Variants in SWAP70 observed in about 807,000 individuals in gnomAD.
SWAP70 encodes the protein switching B cell complex subunit SWAP70.
SWAP70 carries 34 observed loss-of-function variants against 80.2 expected under a neutral mutation model. That is an observed-to-expected ratio of 0.42 (90% CI 0.32 to 0.56). SWAP70 has a LOEUF of 0.56. SWAP70 is among the 20% of genes least tolerant of loss of function. SWAP70 has a pLI of 0.09. For synonymous variants in SWAP70, 239 were observed against 238.5 expected (o/e 1.00, Z -0.02); for missense variants, 578 against 690.7 (o/e 0.84, Z 1.83).
At chr11:9,723,065 C>T (rs374134966) in intron 3 of SWAP70, among the ~76,000 whole-genome samples, 2 of 152,076 alleles carry the variant, frequency 1.3e-5, no homozygotes, top group South Asian at 4.1e-4. Context: ...AGCTTGGCCT[C>T]TGTCTTTGAG....
chr11:9,731,157 C>G (rs575661916), intron 6 of SWAP70, among the ~76,000 whole-genome samples: 1 of 151,916 alleles, frequency 6.6e-6, no homozygotes, highest in African/African-American at 2.4e-5. Flanking sequence ...TTAAAGTGTT[C>G]CATTATTCCA....
intron 1 of SWAP70, among the ~76,000 whole-genome samples, chr11:9,689,106 G>A (rs971533123): frequency 6.6e-6 from 1 of 152,070 alleles, no homozygotes; most frequent in African/African-American, 2.4e-5. Flanking sequence ...TTTTTTCAGT[G>A]TTGAATCTTG....
chr11:9,711,004 A>ATTTATTTG (rs1282382156), intron 2 of SWAP70, among the ~76,000 whole-genome samples: 1 of 150,108 alleles, frequency 6.7e-6, no homozygotes, highest in Non-Finnish European at 1.5e-5. Flanking sequence ...ATTTTTATTT[A>ATTTATTTG]TTTATTTATT....
chr11:9,669,855 C>T (rs531440639), intron 1 of SWAP70, among the ~76,000 whole-genome samples: 9 of 151,962 alleles, frequency 5.9e-5, no homozygotes, highest in Non-Finnish European at 1.3e-4. Flanking sequence ...TTGCCAGGTG[C>T]GGTGCCTCAC....
rs1851606892 is a variant in SWAP70 at position 9,752,722 on chromosome 11, T to C, written c.*2752T>C. On this transcript the variant is annotated 3_prime_UTR_variant, in exon 12 of 12. Coordinates refer to ENST00000318950, the MANE Select transcript of SWAP70 (RefSeq NM_015055.4). The stretch of plus-strand genomic sequence containing the variant: ...CCTTAATAAGTAGGGATATGATCAT[T>C]TACAGGAATTATATATGAAAAAAGT... 6.6e-6 allele frequency: 1 copy of C among 152,116 alleles called. No individual in the cohort carries two copies. Among genetic ancestry groups the C allele is most frequent in the Non-Finnish European group, 1.5e-5 (1 of 68,032 alleles). The allele number at this position is 152,116 out of a possible 1,614,324, so 9.4% of individuals were successfully genotyped here.
chr11:9,731,401 G>A (rs1851296034), intron 6 of SWAP70, among the ~76,000 whole-genome samples: 1 of 152,090 alleles, frequency 6.6e-6, no homozygotes, highest in Non-Finnish European at 1.5e-5. Flanking sequence ...TGTGGAGTGG[G>A]GATAATAATA....
intron 1 of SWAP70, among the ~76,000 whole-genome samples, chr11:9,670,248 A>G (rs1178127799): frequency 6.6e-6 from 1 of 152,162 alleles, no homozygotes. Flanking sequence ...TTGACCCATG[A>G]TTGGGTGGGA....
intron 2 of SWAP70, among the ~76,000 whole-genome samples, chr11:9,704,715 A>T (rs1850877539): frequency 6.6e-6 from 1 of 152,158 alleles, no homozygotes; most frequent in African/African-American, 2.4e-5. Flanking sequence ...ATTCCCCTTT[A>T]TTGGAGCATT....
At chr11:9,676,364 T>G (rs1850500579) in intron 1 of SWAP70, among the ~76,000 whole-genome samples, 1 of 152,144 alleles carries the variant, frequency 6.6e-6, no homozygotes, top group Non-Finnish European at 1.5e-5. Context: ...TTGGTTTGGT[T>G]TTGGTGCTCT....
Position 9,732,574 on chromosome 11 carries a change from C to A in SWAP70, c.944C>A (p.Pro315Gln). The part of the protein sequence containing the change: ...IHLLKLGSPP[P>Q]HKEARQRRKE... ...CTGTTGAAGCTGGGCAGCCCTCCAC[C>A]ACACAAAGAAGCCCGCCAGCGTCGG... is the stretch of plus-strand genomic sequence containing the variant. The change falls in exon 7 of 12, where the codon CCA (proline) becomes CAA (glutamine). Residue 315 changes from proline (P) to glutamine (Q), a missense_variant. By Grantham distance (76) the Pro-to-Gln change is moderately conservative. Coordinates refer to ENST00000318950, the MANE Select transcript of SWAP70 (RefSeq NM_015055.4). The A allele has an allele frequency of 1.2e-6, 2 of 1,606,314 alleles. No individual in the cohort carries two copies. Among genetic ancestry groups the A allele is most frequent in the Non-Finnish European group, 1.7e-6 (2 of 1,175,686 alleles).
Position 9,740,333 on chromosome 11 carries a change from G to A in SWAP70, c.1341G>A (p.Arg447=). 2 of 1,614,208 alleles carry A rather than the reference G, an allele frequency of 1.2e-6. No individual in the cohort carries two copies. The highest frequency in any genetic ancestry group is 8.5e-7 in the Non-Finnish European group (1 of 1,180,026). The part of the protein sequence containing the change: ...RQARQDEETV[R]KLQARLLEEE... ...CCCGGCAAGATGAAGAGACAGTGCG[G>A]AAGCTTCAGGCCAGGTGCCAGATTT... The change falls in exon 9 of 12, where the codon CGG becomes CGA. Residue 447 remains arginine (R), a synonymous_variant. Transcript: ENST00000318950.
chr11:9,747,454 C>A (rs185369705), intron 9 of SWAP70, among the ~76,000 whole-genome samples: 2 of 152,224 alleles, frequency 1.3e-5, no homozygotes, highest in Non-Finnish European at 2.9e-5. Context: ...AAATCTTGGC[C>A]CTGCCACCTG....
intron 9 of SWAP70, among the ~76,000 whole-genome samples, chr11:9,744,188 TC>T (rs1851480911): frequency 6.6e-6 from 1 of 152,194 alleles, no homozygotes; most frequent in African/African-American, 2.4e-5. Flanking sequence ...GGTCTTGATC[TC>T]CTGACCTCGT....
At chr11:9,740,745 TC>T (rs1287442553) in intron 9 of SWAP70, 9 of 217,798 alleles carry the variant, frequency 4.1e-5, no homozygotes, top group African/African-American at 2.1e-4. Context: ...AACGTTGCCG[TC>T]AGGTTTTGAG....
chr11:9,695,896 A>C (rs1420239133), intron 2 of SWAP70, among the ~76,000 whole-genome samples: 4 of 152,022 alleles, frequency 2.6e-5, no homozygotes, highest in African/African-American at 9.7e-5. Context: ...CCTCGGGCTC[A>C]GGTGACCCTC....
chr11:9,746,083 C>T (rs767346940), intron 9 of SWAP70, among the ~76,000 whole-genome samples: 12 of 152,134 alleles, frequency 7.9e-5, no homozygotes, highest in African/African-American at 2.4e-4. Context: ...TTACTGCCAC[C>T]GGCAAGATGA....
Position 9,729,455 on chromosome 11 carries a change from A to G in SWAP70, c.898+4A>G, listed in dbSNP as rs777326220. 6.3e-7 allele frequency: 1 copy of G among 1,587,134 alleles called. No homozygotes were observed. Among genetic ancestry groups the G allele is most frequent in the South Asian group, 1.1e-5 (1 of 88,928 alleles). ...AAGAAACAGGAGTGGATTCAAGGTA[A>G]GGTGATTTTTTATTATTTGCCATGA... On this transcript the variant is annotated splice_donor_region_variant and intron_variant, in intron 6 of 11. Coordinates refer to ENST00000318950, the MANE Select transcript of SWAP70 (RefSeq NM_015055.4).
intron 8 of SWAP70, among the ~76,000 whole-genome samples, chr11:9,739,182 A>G (rs1355468652): frequency 1.3e-5 from 2 of 152,162 alleles, no homozygotes; most frequent in East Asian, 3.8e-4. Context: ...GAGACCCAAG[A>G]TCCAGGTTGT....
At chr11:9,678,314 T>C (rs1850525356) in intron 1 of SWAP70, among the ~76,000 whole-genome samples, 1 of 152,130 alleles carries the variant, frequency 6.6e-6, no homozygotes, top group Non-Finnish European at 1.5e-5. Context: ...GTAAATATTT[T>C]TTATGTAGAT....
Sources: gnomAD v4.1 joint callset for allele counts (sites outside exome capture counted in the v4.1 genomes callset) on GRCh38, gnomAD v4.1.1 for gene constraint, MANE v1.5 for transcripts, NCBI Gene and HGNC (gene_info 2026-07-23, HGNC 2026-07-21) for gene names.